Variants in GLIPR1L1 observed in about 807,000 individuals in gnomAD.
The protein encoded by GLIPR1L1 is GLIPR1 like 1, also known as GLIPR1-like protein 1.
A neutral mutation model predicts 29.9 loss-of-function variants in GLIPR1L1; 26 were observed. The ratio of observed to expected loss-of-function variants is 0.87; its 90% CI spans 0.64 to 1.21. The LOEUF (loss-of-function observed/expected upper bound fraction) is 1.21. Ranked by LOEUF, GLIPR1L1 falls within the 50% of genes most tolerant of loss-of-function variation. The pLI is 0.00. For missense variants in GLIPR1L1, 305 were observed against 290.3 expected, an observed-to-expected ratio of 1.05 and a Z score of -0.37; for synonymous variants, 77 against 97.5, an observed-to-expected ratio of 0.79 and a Z score of 1.24.
At chr12:75,342,111 G>T (rs1394613410) in intron 1 of GLIPR1L1, among the ~76,000 whole-genome samples, 3 of 152,160 alleles carry the variant, frequency 2.0e-5, no homozygotes, top group Non-Finnish European at 4.4e-5. Flanking sequence ...GATCGCCAGG[G>T]GTTAAAGATA....
Position 75,363,130 on chromosome 12 carries a change from G to GT in GLIPR1L1, c.551dup (p.Arg185LysfsTer28), listed in dbSNP as rs1169776155. 6.4e-7 allele frequency: 1 copy of GT among 1,558,492 alleles called. No individual in the cohort carries two copies. The highest frequency in any genetic ancestry group is 8.6e-7 in the Non-Finnish European group (1 of 1,159,306). Reference sequence around the variant, plus strand: ...AAATTTTGCAAATATGCCTCCTTACGTAAGAGGAGAATCTTGCTCTCTCTG... The same window carrying GT: ...AAATTTTGCAAATATGCCTCCTTACGTTAAGAGGAGAATCTTGCTCTCTCTG... On this transcript the variant is annotated frameshift_variant, in exon 4 of 6. Coordinates refer to ENST00000378695, the MANE Select transcript of GLIPR1L1 (RefSeq NM_001304964.2). LOFTEE classifies it high-confidence loss of function.
intron 1 of GLIPR1L1, among the ~76,000 whole-genome samples, chr12:75,341,591 C>T (rs1179628195): frequency 1.3e-5 from 2 of 151,214 alleles, no homozygotes; most frequent in Admixed American, 6.6e-5. Context: ...AGACTACAGG[C>T]GCCCGCCACC....
chr12:75,339,102 C>A (rs1162117168), intron 1 of GLIPR1L1, among the ~76,000 whole-genome samples: 1 of 152,082 alleles, frequency 6.6e-6, no homozygotes, highest in East Asian at 1.9e-4. Flanking sequence ...ATCTATATTC[C>A]TTTGGGTACA....
intron 1 of GLIPR1L1, among the ~76,000 whole-genome samples, 157 bp downstream of exon 1, chr12:75,335,059 C>G (rs1453170661): frequency 6.6e-6 from 1 of 152,160 alleles, no homozygotes; most frequent in Non-Finnish European, 1.5e-5. Context: ...GCTGTCTCCT[C>G]CAGAGTCATA....
At chr12:75,357,646 AATAC>A (rs1482524316) in intron 3 of GLIPR1L1, among the ~76,000 whole-genome samples, 2 of 152,138 alleles carry the variant, frequency 1.3e-5, no homozygotes, top group Non-Finnish European at 2.9e-5. Context: ...GTATTAAAAT[AATAC>A]AAAGTATGTT....
At position 75,370,075 on chromosome 12, in the gene GLIPR1L1, T is replaced by C; in HGVS notation, c.638-10T>C. 1 of 1,570,446 alleles carries C rather than the reference T, an allele frequency of 6.4e-7. No individual in the cohort carries two copies. The highest frequency in any genetic ancestry group is 8.7e-7 in the Non-Finnish European group (1 of 1,145,426). ...CTTAACTATTCTGGTTTTGTTTTTGTTTTTGACAGAAAATCCATTTCTGAA... is the reference window on the plus strand; with the variant it reads ...CTTAACTATTCTGGTTTTGTTTTTGCTTTTGACAGAAAATCCATTTCTGAA... On this transcript the variant is annotated splice_polypyrimidine_tract_variant and intron_variant, in intron 5 of 5. Transcript: ENST00000378695.
chr12:75,359,305 C>T (rs1228632480), intron 3 of GLIPR1L1, among the ~76,000 whole-genome samples: 2 of 144,454 alleles, frequency 1.4e-5, no homozygotes, highest in African/African-American at 2.6e-5. Flanking sequence ...GACACAATAG[C>T]GACATATATG....
At chr12:75,359,106 T>C (rs182572255) in intron 3 of GLIPR1L1, among the ~76,000 whole-genome samples, 10 of 150,488 alleles carry the variant, frequency 6.6e-5, no homozygotes, top group African/African-American at 2.4e-4. Flanking sequence ...AGTTTAGCAA[T>C]CTTTTAGGAT....
At chr12:75,342,383 G>A (rs1039244086) in intron 1 of GLIPR1L1, among the ~76,000 whole-genome samples, 5 of 152,048 alleles carry the variant, frequency 3.3e-5, no homozygotes, top group South Asian at 2.1e-4. Context: ...GGAAAAGTAG[G>A]TGAAGTCTAC....
intron 4 of GLIPR1L1, among the ~76,000 whole-genome samples, chr12:75,366,010 T>C (rs2043938403): frequency 6.6e-6 from 1 of 152,182 alleles, no homozygotes; most frequent in Non-Finnish European, 1.5e-5. Flanking sequence ...ATCCACTTGA[T>C]CAATAAACAA....
intron 3 of GLIPR1L1, among the ~76,000 whole-genome samples, chr12:75,351,197 G>A (rs2042786037): frequency 6.6e-6 from 1 of 152,140 alleles, no homozygotes; most frequent in Non-Finnish European, 1.5e-5. Context: ...ATGTAAGATT[G>A]AACCTATGAC....
At chr12:75,339,199 A>G (rs376851973) in intron 1 of GLIPR1L1, among the ~76,000 whole-genome samples, 39 of 152,122 alleles carry the variant, frequency 2.6e-4, no homozygotes, top group African/African-American at 8.9e-4. Context: ...CAATGGGTAA[A>G]CTAATTTACA....
At chr12:75,339,559 A>C (rs2041963350) in intron 1 of GLIPR1L1, among the ~76,000 whole-genome samples, 1 of 152,038 alleles carries the variant, frequency 6.6e-6, no homozygotes, top group Non-Finnish European at 1.5e-5. Flanking sequence ...CACTCTGATG[A>C]TACTTTCTTT....
intron 4 of GLIPR1L1, chr12:75,365,132 T>C (rs1184885631): frequency 6.6e-6 from 1 of 152,098 alleles, no homozygotes; most frequent in Non-Finnish European, 1.5e-5. Flanking sequence ...AGAGGGAAGG[T>C]GCTTGTATAG....
At chr12:75,355,617 C>T in intron 3 of GLIPR1L1, among the ~76,000 whole-genome samples, 1 of 152,140 alleles carries the variant, frequency 6.6e-6, no homozygotes, top group East Asian at 1.9e-4. Context: ...ACCCAGCAAT[C>T]CCATCGCTAG....
chr12:75,356,628 G>A (rs1027953481), intron 3 of GLIPR1L1, among the ~76,000 whole-genome samples: 8 of 151,818 alleles, frequency 5.3e-5, no homozygotes, highest in Non-Finnish European at 1.2e-4. Context: ...CAAAAAGAAA[G>A]GAAAAGGGAA....
chr12:75,369,820 T>G, intron 4 of GLIPR1L1, 140 bp from the exon 5 acceptor site: 3 of 1,312,488 alleles, frequency 2.3e-6, no homozygotes, highest in Non-Finnish European at 2.9e-6. Flanking sequence ...TAGGATTGAG[T>G]AGGAAAGTTT....
intron 3 of GLIPR1L1, among the ~76,000 whole-genome samples, chr12:75,351,075 G>C: frequency 6.6e-6 from 1 of 152,142 alleles, no homozygotes; most frequent in East Asian, 1.9e-4. Context: ...TATCCAAACA[G>C]ACCAAGTGGA....
At chr12:75,369,785 G>A in intron 4 of GLIPR1L1, 175 bp from the exon 5 acceptor site, 1 of 983,268 alleles carries the variant, frequency 1.0e-6, no homozygotes, top group Non-Finnish European at 1.2e-6. Context: ...TTGGTAGGAA[G>A]CATCGTAAAG....
Sources: allele counts gnomAD v4.1 joint callset (sites outside exome capture counted in the v4.1 genomes callset), GRCh38; gene constraint gnomAD v4.1.1; transcripts MANE v1.5; gene names NCBI Gene and HGNC (gene_info 2026-07-23, HGNC 2026-07-21).